FOXO3: variants seen among roughly 807,000 people sequenced by gnomAD.
FOXO3 encodes forkhead box protein O3.
FOXO3 carries 4 observed loss-of-function variants against 41.9 expected under a neutral mutation model. The ratio of observed to expected loss-of-function variants is 0.10; its 90% CI spans 0.05 to 0.22. The LOEUF (loss-of-function observed/expected upper bound fraction) is 0.22. Ranked by LOEUF, FOXO3 falls within the 10% of genes least tolerant of loss-of-function variation. FOXO3 has a pLI of 1.00. For synonymous variants in FOXO3, 318 were observed against 389.3 expected (o/e 0.82, Z 2.16); for missense variants, 534 against 906.8 (o/e 0.59, Z 5.28).
At chr6:108,673,652 T>A (rs1316472199) in intron 2 of FOXO3, among the ~76,000 whole-genome samples, 2 of 152,188 alleles carry the variant, frequency 1.3e-5, no homozygotes, top group Non-Finnish European at 2.9e-5. Flanking sequence ...CAGTATTTGG[T>A]AGCTAAACCC....
At chr6:108,644,427 G>A (rs538866964) in intron 1 of FOXO3, among the ~76,000 whole-genome samples, 2 of 152,254 alleles carry the variant, frequency 1.3e-5, no homozygotes, top group East Asian at 3.9e-4. Context: ...TACTGCTGTT[G>A]CCAAGGCAAC....
At chr6:108,593,515 T>C (rs183578720) in intron 1 of FOXO3, among the ~76,000 whole-genome samples, 11 of 151,748 alleles carry the variant, frequency 7.2e-5, no homozygotes, top group Middle Eastern at 3.4e-3. Flanking sequence ...GTAGCTGGGA[T>C]TACAGGTGCC....
At chr6:108,575,470 A>G (rs914981992) in intron 1 of FOXO3, among the ~76,000 whole-genome samples, 12 of 152,006 alleles carry the variant, frequency 7.9e-5, no homozygotes, top group African/African-American at 2.9e-4. Context: ...CACTTTCCTT[A>G]GATCTCTTCA....
rs529919673 is a variant in FOXO3, at chr6:108,605,178, G to A, written c.621+43349G>A. 2.1e-4 allele frequency among the ~76,000 whole-genome samples: 32 copies of A among 152,164 alleles called. 1 individual carries two copies. Among genetic ancestry groups the A allele is most frequent in the Admixed American group, 1.7e-3 (26 of 15,294 alleles). ...CTGTCACCCAGGCTGGAGTGCAGTG[G>A]CACAATCTCAGCTCACTGCAACCTC... On this transcript the variant is annotated intron_variant, in intron 1 of 2. Coordinates refer to ENST00000406360, the MANE Select transcript of FOXO3 (RefSeq NM_001455.4).
chr6:108,629,943 A>G (rs538238747), intron 1 of FOXO3, among the ~76,000 whole-genome samples: 10 of 152,300 alleles, frequency 6.6e-5, no homozygotes, highest in African/African-American at 2.4e-4. Flanking sequence ...GAAATAGAAA[A>G]AGCCTACTTG....
At chr6:108,650,639 A>G (rs976202886) in intron 1 of FOXO3, among the ~76,000 whole-genome samples, 3 of 152,194 alleles carry the variant, frequency 2.0e-5, no homozygotes, top group African/African-American at 7.2e-5. Context: ...ATTTTATCTC[A>G]TGTGCATTCA....
chr6:108,582,232 GA>G (rs1776441053), intron 1 of FOXO3, among the ~76,000 whole-genome samples: 4 of 152,302 alleles, frequency 2.6e-5, no homozygotes, highest in Admixed American at 2.6e-4. Context: ...GCTTTTAGGT[GA>G]AATCTAGGGA....
In FOXO3 at chr6:108,663,961, G is replaced by C. The variant is rs1407389144; in HGVS notation, c.1128G>C (p.Met376Ile). 6.2e-6 allele frequency: 10 copies of C among 1,614,200 alleles called. No homozygotes were observed. The highest frequency in any genetic ancestry group is 8.5e-6 in the Non-Finnish European group (10 of 1,180,040). The change falls in exon 2 of 3, where the codon ATG becomes ATC. Residue 376 changes from methionine to isoleucine, a missense_variant. Physicochemically the swap from Met to Ile is conservative, Grantham distance 10 (BLOSUM62 1). Transcript: ENST00000406360. ...GGCTGACTGATATGGCAGGCACCAT[G>C]AATCTGAATGATGGGCTGACTGAAA... Reference protein sequence around the residue: ...LPRLTDMAGTMNLNDGLTENL... With the variant: ...LPRLTDMAGTINLNDGLTENL...
At chr6:108,612,840 G>A (rs958176940) in intron 1 of FOXO3, among the ~76,000 whole-genome samples, 1 of 152,032 alleles carries the variant, frequency 6.6e-6, no homozygotes, top group Non-Finnish European at 1.5e-5. Context: ...TCATCTTAAG[G>A]GGAAAGCATT....
intron 1 of FOXO3, among the ~76,000 whole-genome samples, chr6:108,628,921 G>A (rs1777884501): frequency 6.6e-6 from 1 of 152,050 alleles, no homozygotes; most frequent in African/African-American, 2.4e-5. Flanking sequence ...ATGAAGGCAT[G>A]GACAGTCTTT....
chr6:108,664,899 G>A lies in FOXO3; in HGVS notation c.*34+10G>A, dbSNP rs761648688. The A allele has an allele frequency of 8.8e-6, 14 of 1,586,780 alleles. No individual in the cohort carries two copies. Among genetic ancestry groups the A allele is most frequent in the East Asian group, 2.2e-5 (1 of 44,698 alleles). ...GAAGTGGGCAAAGCAGGTCAGTGCCGAATGCTATGGCATAAAAATAACAAT... is the reference window on the plus strand; with the variant it reads ...GAAGTGGGCAAAGCAGGTCAGTGCCAAATGCTATGGCATAAAAATAACAAT... On this transcript the variant is annotated intron_variant, in intron 2 of 2. Transcript: ENST00000406360.
chr6:108,577,573 G>C (rs1446348714), intron 1 of FOXO3, among the ~76,000 whole-genome samples: 1 of 152,170 alleles, frequency 6.6e-6, no homozygotes, highest in South Asian at 2.1e-4. Flanking sequence ...AAAACCACCA[G>C]TGCCTAGGTA....
chr6:108,677,495 G>A (rs1770656785), intron 2 of FOXO3, among the ~76,000 whole-genome samples: 1 of 152,188 alleles, frequency 6.6e-6, no homozygotes, highest in African/African-American at 2.4e-5. Flanking sequence ...GGGGAATGAA[G>A]TGTGTCACCT....
At chr6:108,631,563 C>CTA (rs1777974427) in intron 1 of FOXO3, among the ~76,000 whole-genome samples, 1 of 152,040 alleles carries the variant, frequency 6.6e-6, no homozygotes, top group South Asian at 2.1e-4. Flanking sequence ...CTCAATTATC[C>CTA]TATAATCTTT....
intron 1 of FOXO3, among the ~76,000 whole-genome samples, chr6:108,585,290 G>A (rs952354390): frequency 6.6e-6 from 1 of 152,106 alleles, no homozygotes; most frequent in African/African-American, 2.4e-5. Context: ...TGATCCACCC[G>A]CCTCGGCCTC....
intron 1 of FOXO3, chr6:108,618,327 G>A: frequency 1.6e-6 from 1 of 636,270 alleles, no homozygotes; most frequent in Non-Finnish European, 2.9e-6. Flanking sequence ...TCACAAAAGA[G>A]ATATCAGGTC....
intron 1 of FOXO3, among the ~76,000 whole-genome samples, chr6:108,568,008 G>A (rs993180971): frequency 5.3e-5 from 8 of 151,360 alleles, no homozygotes; most frequent in Admixed American, 2.6e-4. Flanking sequence ...AGATTGTGCC[G>A]TTGCACTCCA....
intron 2 of FOXO3, among the ~76,000 whole-genome samples, chr6:108,678,866 A>ATTT (rs1770724993): frequency 1.7e-4 from 12 of 70,702 alleles, no homozygotes; most frequent in South Asian, 6.6e-4. Context: ...CATTTCTTAA[A>ATTT]TTCTTTTTTT....
At chr6:108,637,620 T>G (rs1778152559) in intron 1 of FOXO3, among the ~76,000 whole-genome samples, 1 of 152,166 alleles carries the variant, frequency 6.6e-6, no homozygotes, top group African/African-American at 2.4e-5. Flanking sequence ...TCTGGAAGAC[T>G]TTATTTCCAC....
Sources: allele counts gnomAD v4.1 joint callset (sites outside exome capture counted in the v4.1 genomes callset), GRCh38; gene constraint gnomAD v4.1.1; transcripts MANE v1.5; gene names NCBI Gene and HGNC (gene_info 2026-07-23, HGNC 2026-07-21).